Variants in PPEF1 observed in about 807,000 individuals in gnomAD.
PPEF1 encodes serine/threonine-protein phosphatase with EF-hands 1.
A neutral mutation model predicts 53.3 loss-of-function variants in PPEF1; 12 were observed. The observed-to-expected ratio is 0.23, with a 90% confidence interval of 0.14 to 0.36. The LOEUF (loss-of-function observed/expected upper bound fraction) is 0.36, where lower values mean the gene tolerates loss of function less well. Ranked by LOEUF, PPEF1 falls within the 10% of genes least tolerant of loss-of-function variation. The probability of loss-of-function intolerance (pLI) is 1.00; values close to 1 mark genes in which losing one functional copy is unlikely to be tolerated. For synonymous variants in PPEF1, 165 were observed against 176.7 expected (o/e 0.93, Z 0.52); for missense variants, 334 against 490.4 (o/e 0.68, Z 3.01).
intron 3 of PPEF1, among the ~76,000 whole-genome samples, chrX:18,736,597 T>C (rs1351636854): frequency 8.9e-6 from 1 of 111,852 alleles, no homozygotes; most frequent in Non-Finnish European, 1.9e-5. Flanking sequence ...TCTCTTTTTT[T>C]GTTGTGTCTC....
At position 18,779,027 on chromosome X, in the gene PPEF1, G is replaced by A. The variant is rs1425494697; in HGVS notation, c.576G>A (p.Glu192=). The A allele has an allele frequency of 5.8e-6, 7 of 1,198,204 alleles. No individual in the cohort carries two copies. Among genetic ancestry groups the A allele is most frequent in the Non-Finnish European group, 4.5e-6 (4 of 885,680 alleles). Residue 192 remains glutamate, a synonymous_variant, in exon 7 of 16, where the codon GAG becomes GAA. Coordinates refer to ENST00000470157, the MANE Select transcript of PPEF1 (RefSeq NM_001377996.1). ...LIFYKNGLPS[E]RNPYVFNGDF... ...TTCCACAGAATGGTCTCCCCTCAGAGAGGAACCCGTATGTTTTTAATGGTG... is the reference window on the plus strand; with the variant it reads ...TTCCACAGAATGGTCTCCCCTCAGAAAGGAACCCGTATGTTTTTAATGGTG...
At chrX:18,739,920 G>C (rs1217972661) in intron 3 of PPEF1, among the ~76,000 whole-genome samples, 1 of 112,474 alleles carries the variant, frequency 8.9e-6, no homozygotes, top group Non-Finnish European at 1.9e-5. Context: ...CCGTGGGCGT[G>C]GGACCCTCCA....
chrX:18,811,332 T>G (rs1484182176), intron 12 of PPEF1, among the ~76,000 whole-genome samples: 1 of 110,157 alleles, frequency 9.1e-6, no homozygotes, highest in Non-Finnish European at 1.9e-5. Context: ...GGATTACAGG[T>G]GTGAGCCACC....
chrX:18,821,780 AGAGAGAGAGAGAGAGAGAG>A (rs1569273806), intron 13 of PPEF1, among the ~76,000 whole-genome samples: 11 of 103,808 alleles, frequency 1.1e-4, no homozygotes, highest in Non-Finnish European at 1.8e-4. Context: ...AGAGAGAGAG[AGAGAGAGAGAGAGAGAGAG>A]AGAGAAAACA....
chrX:18,699,168 A>G (rs1228628580), intron 5 of PPEF1, among the ~76,000 whole-genome samples: 1 of 111,215 alleles, frequency 9.0e-6, no homozygotes, highest in African/African-American at 3.3e-5. Context: ...TGGCGTCCCC[A>G]CCATGGAAAC....
intron 12 of PPEF1, among the ~76,000 whole-genome samples, chrX:18,813,938 C>G (rs114765806): frequency 0.013 from 1,467 of 111,322 alleles, 24 homozygotes; most frequent in African/African-American, 0.046. Context: ...GTGATTTCAT[C>G]ACCCAGGTAG....
At chrX:18,811,599 ATATATATATATATATATTTT>A (rs1292240761) in intron 12 of PPEF1, among the ~76,000 whole-genome samples, 257 of 22,423 alleles carry the variant, frequency 0.011, 1 homozygote, top group African/African-American at 0.027. Context: ...ATATATATAT[ATATATATATATATATATTTT>A]TTTTTTTTTT....
rs180887874 is a variant in PPEF1 at position 18,776,696 on chromosome X, G to A, written c.559-2314G>A. 6.0e-3 allele frequency among the ~76,000 whole-genome samples: 671 copies of A among 111,386 alleles called. 5 individuals carry two copies. Among genetic ancestry groups the A allele is most frequent in the Middle Eastern group, 0.032 (7 of 217 alleles). On this transcript the variant is annotated intron_variant, in intron 6 of 15. Coordinates refer to ENST00000470157, the MANE Select transcript of PPEF1 (RefSeq NM_001377996.1). ...AACACTTTGGGAGGCTGAGGTAGGCGGATCACCTGAGGTTGGGAGTTCAAG... is the reference window on the plus strand; with the variant it reads ...AACACTTTGGGAGGCTGAGGTAGGCAGATCACCTGAGGTTGGGAGTTCAAG...
chrX:18,734,074 T>C (rs751546119), intron 3 of PPEF1, among the ~76,000 whole-genome samples: 52 of 111,283 alleles, frequency 4.7e-4, no homozygotes, highest in African/African-American at 1.6e-3. Context: ...TTGAATGCCT[T>C]TTCTGAACTA....
intron 7 of PPEF1, among the ~76,000 whole-genome samples, chrX:18,779,479 G>C (rs2046040466): frequency 9.0e-6 from 1 of 111,637 alleles, no homozygotes; most frequent in South Asian, 3.8e-4. Flanking sequence ...AGGTGTGTGA[G>C]GCCAGGTTTG....
intron 10 of PPEF1, among the ~76,000 whole-genome samples, chrX:18,791,164 G>A (rs1050652136): frequency 9.0e-6 from 1 of 111,569 alleles, no homozygotes; most frequent in African/African-American, 3.3e-5. Context: ...TTTAACATTG[G>A]GAAGTGTGAG....
intron 3 of PPEF1, among the ~76,000 whole-genome samples, chrX:18,737,178 A>G (rs1447884654): frequency 2.8e-5 from 3 of 107,613 alleles, no homozygotes; most frequent in South Asian, 4.1e-4. Context: ...GCTTTTGAAT[A>G]TGTTTGCTCT....
At position 18,804,061 on chromosome X, in the gene PPEF1, T is replaced by G; in HGVS notation, c.1235T>G (p.Ile412Ser). Residue 412 changes from isoleucine to serine, a missense_variant, in exon 11 of 16, where the codon ATC (isoleucine) becomes AGC (serine). Ile to Ser is a moderately radical substitution (Grantham distance 142). Transcript: ENST00000470157. ...GAATGTAAGCCCGAAGGGTATGAAA[T>G]CTGTCATGATGGGAAGGTAAGCTAA... The part of the protein sequence containing the change: ...SHECKPEGYE[I>S]CHDGKVVTIF... 8.3e-7 allele frequency: 1 copy of G among 1,198,017 alleles called. No homozygotes were observed.
chrX:18,827,227 A>G (rs754882644), intron 15 of PPEF1, 49 bp from the exon 16 acceptor site: 1 of 1,084,525 alleles, frequency 9.2e-7, no homozygotes, highest in Non-Finnish European at 1.3e-6. Context: ...CCCTTGCCTT[A>G]GGTGGGTCTT....
chrX:18,761,547 C>G lies in PPEF1; in HGVS notation c.529C>G (p.Leu177Val). 2 of 1,209,365 alleles carry G rather than the reference C, an allele frequency of 1.7e-6. No individual in the cohort carries two copies. Among genetic ancestry groups the G allele is most frequent in the Middle Eastern group, 2.3e-4 (1 of 4,343 alleles). ...CACTGCAGGTGATTTGCATGGGAAACTGGATGATCTTTTTTTGATCTTCTA... is the reference window on the plus strand; with the variant it reads ...CACTGCAGGTGATTTGCATGGGAAAGTGGATGATCTTTTTTTGATCTTCTA... The part of the protein sequence containing the change: ...VTICGDLHGK[L>V]DDLFLIFYKN... Residue 177 changes from leucine to valine, a missense_variant, in exon 6 of 16, where the codon CTG becomes GTG. Transcript: ENST00000470157.
intron 10 of PPEF1, among the ~76,000 whole-genome samples, chrX:18,792,658 C>G (rs186428978): frequency 1.8e-5 from 2 of 111,572 alleles, no homozygotes; most frequent in East Asian, 5.6e-4. Flanking sequence ...TGTCTATTCT[C>G]TATTTCATTT....
intron 2 of PPEF1, among the ~76,000 whole-genome samples, chrX:18,731,488 G>T (rs747444802): frequency 1.2e-4 from 14 of 112,269 alleles, no homozygotes; most frequent in Admixed American, 1.0e-3. Context: ...CTCAGCATAG[G>T]CTGTCTTTCT....
chrX:18,744,041 C>T, intron 3 of PPEF1, among the ~76,000 whole-genome samples: 1 of 110,055 alleles, frequency 9.1e-6, no homozygotes. Context: ...CAGGCATGCA[C>T]CACCATGCCT....
At chrX:18,706,818 CTT>C (rs767459911), upstream of PPEF1, among the ~76,000 whole-genome samples, 158 of 46,237 alleles carry the variant, frequency 3.4e-3, no homozygotes, top group African/African-American at 4.6e-3. Flanking sequence ...TTCAAACCTC[CTT>C]TTTTTTTTTT....
Sources: allele counts gnomAD v4.1 joint callset (sites outside exome capture counted in the v4.1 genomes callset), GRCh38; gene constraint gnomAD v4.1.1; transcripts MANE v1.5; gene names NCBI Gene and HGNC (gene_info 2026-07-23, HGNC 2026-07-21).